Variants in NLGN1 observed in about 807,000 individuals in gnomAD.
NLGN1 encodes neuroligin-1.
NLGN1 carries 12 observed loss-of-function variants against 65.5 expected under a neutral mutation model. The ratio of observed to expected loss-of-function variants is 0.18; its 90% CI spans 0.12 to 0.30. The LOEUF is 0.30. Among genes scored for constraint, NLGN1 ranks in the 10% least tolerant of loss-of-function variants. The pLI, the probability that NLGN1 is intolerant of heterozygous loss-of-function variation, is 1.00. For synonymous variants in NLGN1, 350 were observed against 359.5 expected (o/e 0.97, Z 0.30); for missense variants, 750 against 1,007.1 (o/e 0.74, Z 3.46).
intron 3 of NLGN1, among the ~76,000 whole-genome samples, chr3:173,730,121 G>T (rs1290388787): frequency 1.3e-5 from 2 of 151,314 alleles, no homozygotes; most frequent in Non-Finnish European, 2.9e-5. Flanking sequence ...AAGGAGTTCA[G>T]TGCATATATG....
At chr3:173,605,787 A>G (rs923911716) in intron 3 of NLGN1, among the ~76,000 whole-genome samples, 194 bp downstream of exon 3, 5 of 152,034 alleles carry the variant, frequency 3.3e-5, no homozygotes, top group Admixed American at 6.6e-5. Flanking sequence ...GGCAAAGCTC[A>G]TTGGTTGTGC....
chr3:173,935,211 G>A (rs1381397545), intron 4 of NLGN1, among the ~76,000 whole-genome samples: 3 of 152,038 alleles, frequency 2.0e-5, no homozygotes, highest in Non-Finnish European at 4.4e-5. Context: ...AGCAAGCAAA[G>A]CCTATCACAA....
chr3:173,892,799 T>G (rs1348658291), intron 4 of NLGN1, among the ~76,000 whole-genome samples: 2 of 152,058 alleles, frequency 1.3e-5, no homozygotes, highest in Non-Finnish European at 2.9e-5. Flanking sequence ...GAAGAGGAAG[T>G]GAGGCATGCC....
At chr3:173,734,972 T>C (rs1560263229) in intron 3 of NLGN1, among the ~76,000 whole-genome samples, 2 of 152,110 alleles carry the variant, frequency 1.3e-5, no homozygotes, top group Admixed American at 1.3e-4. Context: ...CACAACATTC[T>C]TCTCTGCAAA....
intron 4 of NLGN1, among the ~76,000 whole-genome samples, chr3:174,097,361 C>T (rs1181122840): frequency 2.6e-5 from 4 of 152,098 alleles, no homozygotes; most frequent in Non-Finnish European, 5.9e-5. Context: ...TGTCTACACA[C>T]CAAACAGCAA....
intron 1 of NLGN1, among the ~76,000 whole-genome samples, chr3:173,416,211 A>G (rs1409274153): frequency 6.6e-6 from 1 of 152,216 alleles, no homozygotes; most frequent in Non-Finnish European, 1.5e-5. Flanking sequence ...GATGCTCAAT[A>G]TATGCATTCC....
At chr3:174,213,458 TAATC>T (rs1236981444) in intron 4 of NLGN1, among the ~76,000 whole-genome samples, 1 of 152,186 alleles carries the variant, frequency 6.6e-6, no homozygotes, top group Non-Finnish European at 1.5e-5. Context: ...CAGAGATGTA[TAATC>T]AATCAAACAA....
chr3:173,950,537 G>C (rs776363041), intron 4 of NLGN1, among the ~76,000 whole-genome samples: 59 of 152,112 alleles, frequency 3.9e-4, no homozygotes, highest in Admixed American at 2.6e-4. Context: ...AAACAACTGG[G>C]TGTGGTGGCT....
intron 4 of NLGN1, among the ~76,000 whole-genome samples, chr3:174,130,744 A>C (rs1720018309): frequency 6.6e-6 from 1 of 152,288 alleles, no homozygotes; most frequent in Non-Finnish European, 1.5e-5. Context: ...TACACTCATT[A>C]ATGACGGAAG....
At chr3:173,959,130 G>A (rs1712909096) in intron 4 of NLGN1, among the ~76,000 whole-genome samples, 1 of 152,216 alleles carries the variant, frequency 6.6e-6, no homozygotes, top group Admixed American at 6.5e-5. Context: ...CTGTGCCCAG[G>A]AGGGCAGGAC....
chr3:173,994,271 C>G (rs1484082760), intron 4 of NLGN1, among the ~76,000 whole-genome samples: 1 of 151,610 alleles, frequency 6.6e-6, no homozygotes, highest in Non-Finnish European at 1.5e-5. Flanking sequence ...CCATGCCTGG[C>G]TAATTTTGTA....
chr3:173,800,442 G>A lies in NLGN1; in HGVS notation c.494-7238G>A, dbSNP rs78462337. The A allele has an allele frequency of 0.014, 4,966 of 349,374 alleles. 172 individuals are homozygous for A. The East Asian group carries it at 0.16, about 11-fold the overall frequency. 21.6% of individuals were successfully genotyped at this position (349,374 alleles called of 1,614,324 possible). On this transcript the variant is annotated intron_variant, in intron 3 of 6. Coordinates refer to ENST00000457714, the Ensembl canonical transcript of NLGN1. ...ATTTTTTTACTTCTTGTCTTTTTTT[G>A]AAGAGTTGTTTTTAATTCCTGTTTT...
In NLGN1 at chr3:173,623,559, T is replaced by C. The variant is rs78439539; in HGVS notation, c.493+18468T>C. On this transcript the variant is annotated intron_variant, in intron 3 of 6. Coordinates refer to ENST00000457714, the Ensembl canonical transcript of NLGN1. ...GAATAGCATGGGCAAAGAGAAGCAT[T>C]GAGATGGGAAAGAACAAGGTTTGTG... Among the ~76,000 whole-genome samples, 621 of 152,164 alleles carry C rather than the reference T, an allele frequency of 4.1e-3. 2 individuals are homozygous for C. The highest frequency in any genetic ancestry group is 0.014 in the African/African-American group (590 of 41,534).
intron 4 of NLGN1, among the ~76,000 whole-genome samples, chr3:174,104,669 G>A (rs568430722): frequency 3.3e-5 from 5 of 152,098 alleles, no homozygotes; most frequent in South Asian, 2.1e-4. Flanking sequence ...GTTCTAACTC[G>A]AGACAAAAAA....
At chr3:174,060,405 T>G (rs1737134598) in intron 4 of NLGN1, among the ~76,000 whole-genome samples, 1 of 152,042 alleles carries the variant, frequency 6.6e-6, no homozygotes, top group Non-Finnish European at 1.5e-5. Context: ...CAGGATCTGA[T>G]TTAAAACTGT....
At chr3:173,546,473 A>G (rs1171130441) in intron 2 of NLGN1, among the ~76,000 whole-genome samples, 1 of 152,202 alleles carries the variant, frequency 6.6e-6, no homozygotes, top group Non-Finnish European at 1.5e-5. Context: ...TGTTAAGTGA[A>G]CAAAAGTTTA....
At chr3:173,907,124 T>C (rs1253190002) in intron 4 of NLGN1, among the ~76,000 whole-genome samples, 1 of 152,150 alleles carries the variant, frequency 6.6e-6, no homozygotes, top group Admixed American at 6.6e-5. Flanking sequence ...CATCTTATTG[T>C]TGCTGGTCAA....
intron 3 of NLGN1, among the ~76,000 whole-genome samples, chr3:173,756,587 C>G (rs920977322): frequency 6.6e-6 from 1 of 151,554 alleles, no homozygotes; most frequent in Non-Finnish European, 1.5e-5. Flanking sequence ...GAAATAGTGA[C>G]AAAGCAGAAG....
chr3:173,464,317 T>G (rs1037106131), intron 2 of NLGN1, among the ~76,000 whole-genome samples: 8 of 152,226 alleles, frequency 5.3e-5, no homozygotes, highest in African/African-American at 1.9e-4. Flanking sequence ...TCCCAAAAAC[T>G]ATGCTGGTAG....
Sources: gnomAD v4.1 joint callset for allele counts (sites outside exome capture counted in the v4.1 genomes callset) on GRCh38, gnomAD v4.1.1 for gene constraint, MANE v1.5 for transcripts, NCBI Gene and HGNC (gene_info 2026-07-23, HGNC 2026-07-21) for gene names.